The following PYGB variants were observed in gnomAD, a reference collection of about 807,000 sequenced individuals.
The protein encoded by PYGB is glycogen phosphorylase B, also known as glycogen phosphorylase, brain form.
PYGB carries 82 observed loss-of-function variants against 94.3 expected under a neutral mutation model. The ratio of observed to expected loss-of-function variants is 0.87; its 90% CI spans 0.73 to 1.04. PYGB has a LOEUF of 1.04. Among genes scored for constraint, PYGB ranks in the 50% least tolerant of loss-of-function variants. The pLI, the probability that PYGB is intolerant of heterozygous loss-of-function variation, is 0.00. For missense variants in PYGB, 1,132 were observed against 1,158.2 expected (o/e 0.98, Z 0.33); for synonymous variants, 488 against 479.1 (o/e 1.02, Z -0.24).
chr20:25,249,221 A>G (rs909838301), intron 1 of PYGB, among the ~76,000 whole-genome samples: 2 of 144,932 alleles, frequency 1.4e-5, no homozygotes, highest in Middle Eastern at 3.7e-3. Flanking sequence ...TTTAAAAAGT[A>G]TAATGCACAT....
chr20:25,262,202 G>A (rs139980097), intron 2 of PYGB, among the ~76,000 whole-genome samples: 1,985 of 152,322 alleles, frequency 0.013, 38 homozygotes, highest in African/African-American at 0.043. Flanking sequence ...TTGAAATGAA[G>A]GAGAAAATGT....
In PYGB at chr20:25,248,237, C is replaced by A. The variant is rs1413508026; in HGVS notation, c.59C>A (p.Ala20Glu). ...KRKQISVRGL[A>E]GLGDVAEVRK... ...AAGCAGATCAGCGTGCGCGGCCTGG[C>A]GGGGCTAGGCGACGTGGCCGAGGTG... The change falls in exon 1 of 20, where the codon GCG becomes GAG. Residue 20 changes from alanine to glutamate, a missense_variant. By Grantham distance (107) the Ala-to-Glu change is moderately radical. Coordinates refer to ENST00000216962, the MANE Select transcript of PYGB (RefSeq NM_002862.4). 1 of 1,596,102 alleles carries A rather than the reference C, an allele frequency of 6.3e-7. No individual in the cohort carries two copies. Among genetic ancestry groups the A allele is most frequent in the Non-Finnish European group, 8.5e-7 (1 of 1,172,172 alleles).
At chr20:25,293,744 A>G (rs573902066) in intron 17 of PYGB, among the ~76,000 whole-genome samples, 2 of 151,584 alleles carry the variant, frequency 1.3e-5, no homozygotes, top group Non-Finnish European at 2.9e-5. Context: ...TTCCTTTTCC[A>G]TCTTCGAGGT....
At chr20:25,288,597 A>C in intron 15 of PYGB, 114 bp downstream of exon 15, 1 of 1,273,680 alleles carries the variant, frequency 7.9e-7, no homozygotes, top group Non-Finnish European at 1.1e-6. Context: ...CCGGATGCCC[A>C]GCGGTCACCG....
chr20:25,274,763 G>GGTGA, intron 5 of PYGB, 40 bp downstream of exon 5: 1 of 1,598,940 alleles, frequency 6.3e-7, no homozygotes, highest in Non-Finnish European at 8.5e-7. Context: ...GCTGGAGCCA[G>GGTGA]GTGAGGGGGC....
intron 1 of PYGB, among the ~76,000 whole-genome samples, chr20:25,258,917 CTGTCCAGTTCTGGG>C (rs1486829442): frequency 1.3e-5 from 2 of 152,258 alleles, no homozygotes; most frequent in African/African-American, 4.8e-5. Flanking sequence ...AGACCTGGGT[CTGTCCAGTTCTGGG>C]TGCCTTGGCC....
At chr20:25,265,633 C>T (rs1371156412) in intron 2 of PYGB, among the ~76,000 whole-genome samples, 2 of 135,142 alleles carry the variant, frequency 1.5e-5, no homozygotes, top group African/African-American at 2.9e-5. Flanking sequence ...CTTGCTCTGT[C>T]GCCCAGGCTG....
At chr20:25,288,006 C>A (rs1006161413) in intron 14 of PYGB, among the ~76,000 whole-genome samples, 1 of 152,184 alleles carries the variant, frequency 6.6e-6, no homozygotes, top group Non-Finnish European at 1.5e-5. Context: ...ACAAAACCCA[C>A]AAGTGTGCCC....
At chr20:25,287,280 A>G (rs528418901) in intron 14 of PYGB, among the ~76,000 whole-genome samples, 1 of 152,368 alleles carries the variant, frequency 6.6e-6, no homozygotes, top group East Asian at 1.9e-4. Flanking sequence ...GCGCCCCTGC[A>G]GGCTGATGGC....
intron 2 of PYGB, among the ~76,000 whole-genome samples, chr20:25,266,602 G>C (rs2088220420): frequency 1.3e-5 from 2 of 152,090 alleles, no homozygotes; most frequent in Non-Finnish European, 2.9e-5. Context: ...CCTACAAAAT[G>C]AGAGAAAATA....
intron 9 of PYGB, 55 bp from the exon 10 acceptor site, chr20:25,280,211 C>T: frequency 6.3e-7 from 1 of 1,592,510 alleles, no homozygotes; most frequent in Non-Finnish European, 8.6e-7. Flanking sequence ...AGGCAACTGG[C>T]CAGAGAGCTG....
chr20:25,248,230 G>A lies in PYGB; in HGVS notation c.52G>A (p.Gly18Ser). The A allele has an allele frequency of 6.3e-7, 1 of 1,596,260 alleles. No individual in the cohort carries two copies. The highest frequency in any genetic ancestry group is 1.4e-5 in the African/African-American group (1 of 73,404). The change falls in exon 1 of 20, where the codon GGC becomes AGC. Residue 18 changes from glycine (G) to serine (S), a missense_variant. Transcript: ENST00000216962. ...SEKRKQISVR[G>S]LAGLGDVAEV... ...GAAGCGGAAGCAGATCAGCGTGCGCGGCCTGGCGGGGCTAGGCGACGTGGC... is the reference window on the plus strand; with the variant it reads ...GAAGCGGAAGCAGATCAGCGTGCGCAGCCTGGCGGGGCTAGGCGACGTGGC...
At chr20:25,271,040 G>T (rs548548684) in intron 3 of PYGB, among the ~76,000 whole-genome samples, 1 of 152,302 alleles carries the variant, frequency 6.6e-6, no homozygotes, top group African/African-American at 2.4e-5. Context: ...GGTTTCAGTG[G>T]AACGTGCAAG....
chr20:25,274,975 T>C (rs2088298064), intron 5 of PYGB, among the ~76,000 whole-genome samples: 2 of 152,010 alleles, frequency 1.3e-5, no homozygotes, highest in South Asian at 4.1e-4. Flanking sequence ...GGGCAGGAGC[T>C]GTGTGTTGGG....
In PYGB at chr20:25,283,260, G is replaced by C; in HGVS notation, c.1603G>C (p.Val535Leu). 2 of 1,613,504 alleles carry C rather than the reference G, an allele frequency of 1.2e-6. No individual in the cohort carries two copies. The highest frequency in any genetic ancestry group is 1.7e-6 in the Non-Finnish European group (2 of 1,179,732). Residue 535 changes from valine (V) to leucine (L), a missense_variant, in exon 13 of 20, where the codon GTG becomes CTG. By Grantham distance (32) the Val-to-Leu change is conservative. Transcript: ENST00000216962. ...CAGTGACGAGGTGTTCATCAGGGAC[G>C]TGGCCAAGGTCAAACAGGTAGGCAT... Reference protein sequence around the residue: ...LVSDEVFIRDVAKVKQENKLK... With the variant: ...LVSDEVFIRDLAKVKQENKLK...
intron 11 of PYGB, 99 bp downstream of exon 11, chr20:25,281,211 A>G: frequency 6.8e-7 from 1 of 1,463,750 alleles, no homozygotes; most frequent in Non-Finnish European, 9.3e-7. Context: ...TATATAGCAT[A>G]CAACCTGTGC....
chr20:25,270,403 C>T (rs1439429330), intron 3 of PYGB, among the ~76,000 whole-genome samples: 2 of 152,032 alleles, frequency 1.3e-5, no homozygotes, highest in African/African-American at 4.8e-5. Flanking sequence ...GGGGTTTCAC[C>T]GTATTAGCCA....
chr20:25,278,450 G>A lies in PYGB; in HGVS notation c.987G>A (p.Thr329=), dbSNP rs577950359. 1.2e-5 allele frequency: 20 copies of A among 1,614,184 alleles called. No homozygotes were observed. The highest frequency in any genetic ancestry group is 5.0e-5 in the Admixed American group (3 of 60,020). ...CRDPVRTCFE[T]FPDKVAIQLN... is the part of the protein sequence containing the mutation. ...ACCCTGTGAGAACCTGTTTCGAGACGTTCCCAGACAAGGTGCATGGTGGCC... is the reference window on the plus strand; with the variant it reads ...ACCCTGTGAGAACCTGTTTCGAGACATTCCCAGACAAGGTGCATGGTGGCC... The change falls in exon 8 of 20, where the codon ACG becomes ACA. Residue 329 remains threonine (T), a synonymous_variant. Transcript: ENST00000216962.
intron 17 of PYGB, chr20:25,293,879 C>T: frequency 2.1e-6 from 1 of 473,088 alleles, no homozygotes; most frequent in East Asian, 4.2e-5. Context: ...TGGCATCAGC[C>T]ACTATGTCCT....
Sources: allele counts gnomAD v4.1 joint callset (sites outside exome capture counted in the v4.1 genomes callset), GRCh38; gene constraint gnomAD v4.1.1; transcripts MANE v1.5; gene names NCBI Gene and HGNC (gene_info 2026-07-23, HGNC 2026-07-21).